The following CWC27 variants were observed in gnomAD, a reference collection of about 807,000 sequenced individuals.
CWC27 encodes the protein spliceosome-associated protein CWC27 homolog.
A neutral mutation model predicts 63.6 loss-of-function variants in CWC27; 47 were observed. That is an observed-to-expected ratio of 0.74 (90% confidence interval 0.58 to 0.94). CWC27 has a LOEUF of 0.94. Among genes scored for constraint, CWC27 ranks in the 40% least tolerant of loss-of-function variants. The pLI is 0.00. For synonymous variants in CWC27, 175 were observed against 179.8 expected, an observed-to-expected ratio of 0.97 and a Z score of 0.22; for missense variants, 495 against 554.3, an observed-to-expected ratio of 0.89 and a Z score of 1.07.
At chr5:64,866,628 C>A (rs1397637825) in intron 10 of CWC27, among the ~76,000 whole-genome samples, 1 of 151,990 alleles carries the variant, frequency 6.6e-6, no homozygotes, top group Admixed American at 6.6e-5. Flanking sequence ...ACTCAGAGTA[C>A]CTTGATTTCC....
At chr5:64,914,000 A>G in intron 11 of CWC27, among the ~76,000 whole-genome samples, 1 of 152,134 alleles carries the variant, frequency 6.6e-6, no homozygotes. Context: ...GACACGTGAT[A>G]TAGAATAGAG....
At chr5:64,779,295 T>C (rs1743571977) in intron 2 of CWC27, among the ~76,000 whole-genome samples, 1 of 152,248 alleles carries the variant, frequency 6.6e-6, no homozygotes, top group Non-Finnish European at 1.5e-5. Context: ...ACCCTCAGCA[T>C]GTGATTGAAT....
At chr5:64,790,543 G>T (rs1008738958) in intron 7 of CWC27, among the ~76,000 whole-genome samples, 3 of 152,026 alleles carry the variant, frequency 2.0e-5, no homozygotes, top group African/African-American at 7.2e-5. Flanking sequence ...AAGTTTCCTT[G>T]CATACCCATA....
At chr5:64,918,401 T>C (rs1409898205) in intron 11 of CWC27, among the ~76,000 whole-genome samples, 2 of 152,170 alleles carry the variant, frequency 1.3e-5, no homozygotes, top group Admixed American at 1.3e-4. Context: ...CCTCGAATAT[T>C]GCTGAGAGTA....
chr5:64,941,794 A>C (rs2112415314), intron 11 of CWC27, among the ~76,000 whole-genome samples: 1 of 152,052 alleles, frequency 6.6e-6, no homozygotes, highest in Admixed American at 6.5e-5. Context: ...GATTTCAGAG[A>C]ATCCTGCTAT....
chr5:64,843,202 A>T (rs980789431), intron 10 of CWC27, among the ~76,000 whole-genome samples: 1 of 152,238 alleles, frequency 6.6e-6, no homozygotes, highest in African/African-American at 2.4e-5. Context: ...TTATTTGTTC[A>T]GCAAGAACTC....
At chr5:64,838,495 G>A (rs1289394225) in intron 10 of CWC27, among the ~76,000 whole-genome samples, 1 of 152,040 alleles carries the variant, frequency 6.6e-6, no homozygotes, top group Non-Finnish European at 1.5e-5. Flanking sequence ...AACAATCTGT[G>A]GGCTATTGCA....
intron 11 of CWC27, among the ~76,000 whole-genome samples, chr5:64,952,014 T>TCC (rs1748720021): frequency 6.6e-6 from 1 of 151,950 alleles, no homozygotes; most frequent in Admixed American, 6.6e-5. Flanking sequence ...TCCCTCAGTA[T>TCC]CCATGGAGGA....
intron 13 of CWC27, among the ~76,000 whole-genome samples, chr5:64,984,271 C>A (rs13188060): frequency 5.9e-5 from 9 of 152,176 alleles, no homozygotes; most frequent in African/African-American, 2.2e-4. Context: ...CATGAAAGAA[C>A]TGAGGCACAG....
intron 11 of CWC27, among the ~76,000 whole-genome samples, chr5:64,889,325 C>A (rs1461908988): frequency 1.3e-5 from 2 of 152,224 alleles, no homozygotes; most frequent in East Asian, 1.9e-4. Context: ...TCTATGGTCA[C>A]GGAAGGCCTT....
intron 13 of CWC27, among the ~76,000 whole-genome samples, chr5:65,004,398 T>TTTTTTG (rs61467936): frequency 1.0e-5 from 1 of 99,666 alleles, no homozygotes; most frequent in Non-Finnish European, 2.0e-5. Context: ...TTTTTTTTTT[T>TTTTTTG]GGTGGGGGGG....
At chr5:64,889,746 G>A (rs16893228) in intron 11 of CWC27, among the ~76,000 whole-genome samples, 1 of 151,946 alleles carries the variant, frequency 6.6e-6, no homozygotes, top group Admixed American at 6.6e-5. Flanking sequence ...AAAAAATGTG[G>A]TGTTTTACTA....
At chr5:64,906,334 T>C (rs181586516) in intron 11 of CWC27, among the ~76,000 whole-genome samples, 6 of 152,244 alleles carry the variant, frequency 3.9e-5, no homozygotes, top group Non-Finnish European at 5.9e-5. Flanking sequence ...AATATCTGTT[T>C]TTTCCTGACC....
intron 13 of CWC27, among the ~76,000 whole-genome samples, chr5:65,013,438 C>T (rs1248952500): frequency 3.3e-5 from 5 of 152,120 alleles, no homozygotes; most frequent in South Asian, 4.1e-4. Context: ...TGTTTGGCAC[C>T]GGGAATGCAA....
intron 2 of CWC27, among the ~76,000 whole-genome samples, chr5:64,780,408 A>G (rs1421673117): frequency 6.6e-6 from 1 of 151,166 alleles, no homozygotes; most frequent in Non-Finnish European, 1.5e-5. Flanking sequence ...TTGGATGTAT[A>G]TACAAATATA....
At chr5:64,857,677 T>C (rs188985535) in intron 10 of CWC27, among the ~76,000 whole-genome samples, 4 of 152,288 alleles carry the variant, frequency 2.6e-5, no homozygotes, top group Admixed American at 6.5e-5. Flanking sequence ...CAGATCCAAG[T>C]CTCCTGTTAA....
At position 64,769,055 on chromosome 5, in the gene CWC27, T is replaced by G; in HGVS notation, c.-92T>G. ...TGAAGCTTTCCTGCACCACTGGACT[T>G]AAGGAAGAGTGTACTCGTAGGCGGA... On this transcript the variant is annotated 5_prime_UTR_variant, in exon 1 of 14. Coordinates refer to ENST00000381070, the MANE Select transcript of CWC27 (RefSeq NM_005869.4). 1.1e-5 allele frequency: 11 copies of G among 1,047,536 alleles called. No homozygotes were observed. The South Asian group carries it at 1.4e-4, about 13-fold the overall frequency. The allele number at this position is 1,047,536 out of a possible 1,614,324, so 64.9% of individuals were successfully genotyped here.
intron 11 of CWC27, among the ~76,000 whole-genome samples, chr5:64,918,749 T>C (rs1218694940): frequency 6.6e-6 from 1 of 152,178 alleles, no homozygotes; most frequent in East Asian, 1.9e-4. Context: ...CTCTTTTTTC[T>C]TCATTTTTTC....
chr5:64,808,042 G>T, intron 10 of CWC27: 1 of 1,332,012 alleles, frequency 7.5e-7, no homozygotes, highest in Non-Finnish European at 9.6e-7. Flanking sequence ...GGAGATTTTT[G>T]TCTCTTTTCT....
Sources: allele counts gnomAD v4.1 joint callset (sites outside exome capture counted in the v4.1 genomes callset), GRCh38; gene constraint gnomAD v4.1.1; transcripts MANE v1.5; gene names NCBI Gene and HGNC (gene_info 2026-07-23, HGNC 2026-07-21).